The following GRIK4 variants were observed in gnomAD, a reference collection of about 807,000 sequenced individuals.
GRIK4 encodes the protein glutamate ionotropic receptor kainate type subunit 4.
A neutral mutation model predicts 104.9 loss-of-function variants in GRIK4; 40 were observed. The observed-to-expected ratio is 0.38, with a 90% CI of 0.30 to 0.50. The LOEUF (loss-of-function observed/expected upper bound fraction) is 0.50, where lower values mean the gene tolerates loss of function less well. GRIK4 is among the 20% of genes least tolerant of loss of function. The pLI is 0.93. For synonymous variants in GRIK4, 485 were observed against 524.9 expected, an observed-to-expected ratio of 0.92 and a Z score of 1.04; for missense variants, 1,047 against 1,308.1, an observed-to-expected ratio of 0.80 and a Z score of 3.08.
intron 6 of GRIK4, among the ~76,000 whole-genome samples, chr11:120,827,138 T>A (rs918964703): frequency 1.3e-4 from 20 of 152,212 alleles, no homozygotes; most frequent in Admixed American, 1.1e-3. Flanking sequence ...GAAGGAAGCT[T>A]GTTGAAAGAG....
At chr11:120,570,121 G>A (rs1002108984) in intron 1 of GRIK4, among the ~76,000 whole-genome samples, 1 of 152,196 alleles carries the variant, frequency 6.6e-6, no homozygotes, top group South Asian at 2.1e-4. Flanking sequence ...GCGAGATGAA[G>A]CTTAGGCGAC....
At chr11:120,769,203 A>C (rs1044126593) in intron 3 of GRIK4, among the ~76,000 whole-genome samples, 6 of 151,960 alleles carry the variant, frequency 3.9e-5, no homozygotes, top group Admixed American at 2.0e-4. Flanking sequence ...TAATTACTTC[A>C]GTTTCTTTAT....
At chr11:120,521,840 A>G (rs1002472317) in intron 1 of GRIK4, among the ~76,000 whole-genome samples, 16 of 152,130 alleles carry the variant, frequency 1.1e-4, no homozygotes, top group South Asian at 4.1e-4. Context: ...CTGAGCTTCT[A>G]TTATCTCCCG....
At chr11:120,595,217 C>G (rs1948786447) in intron 1 of GRIK4, among the ~76,000 whole-genome samples, 1 of 152,224 alleles carries the variant, frequency 6.6e-6, no homozygotes, top group Non-Finnish European at 1.5e-5. Flanking sequence ...CCTCTCCTGC[C>G]TCGGGAGATG....
chr11:120,936,412 CT>C, intron 13 of GRIK4: 1 of 305,330 alleles, frequency 3.3e-6, no homozygotes, highest in South Asian at 3.5e-5. Context: ...TCTGTCTCCC[CT>C]TTAGGAGAGA....
intron 1 of GRIK4, among the ~76,000 whole-genome samples, chr11:120,597,971 C>T (rs185721197): frequency 7.9e-4 from 120 of 152,186 alleles, no homozygotes; most frequent in Non-Finnish European, 1.3e-3. Context: ...GTTGCTGATG[C>T]GGTGAATGTT....
At chr11:120,897,626 A>AAAAAAAAAAAAAAAAAAAAAAC in intron 11 of GRIK4, among the ~76,000 whole-genome samples, 1 of 145,184 alleles carries the variant, frequency 6.9e-6, no homozygotes. Flanking sequence ...AAAAAAAAAA[A>AAAAAAAAAAAAAAAAAAAAAAC]AGAGTACATC....
At chr11:120,606,815 G>C (rs1024017475) in intron 1 of GRIK4, among the ~76,000 whole-genome samples, 1 of 152,230 alleles carries the variant, frequency 6.6e-6, no homozygotes, top group Non-Finnish European at 1.5e-5. Context: ...GAATGAGTTT[G>C]CAGATGGCCG....
At chr11:120,804,312 A>G (rs1952674582) in intron 4 of GRIK4, among the ~76,000 whole-genome samples, 1 of 152,228 alleles carries the variant, frequency 6.6e-6, no homozygotes, top group South Asian at 2.1e-4. Flanking sequence ...GGATCCAGCA[A>G]AGCTCCAGCC....
rs767558643 is a variant in GRIK4 at position 120,831,910 on chromosome 11, C to T, written c.570C>T (p.Ser190=). ...RQFLISKDTL[S]VRMLDDTRDP... is the part of the protein sequence containing the mutation. ...TCCTTATCTCCAAGGACACGCTGTCCGTCCGCATGCTGGATGACACCCGGG... is the reference window on the plus strand; with the variant it reads ...TCCTTATCTCCAAGGACACGCTGTCTGTCCGCATGCTGGATGACACCCGGG... The change falls in exon 7 of 21, where the codon TCC becomes TCT. Residue 190 remains serine (S), a synonymous_variant. Coordinates refer to ENST00000527524, the MANE Select transcript of GRIK4 (RefSeq NM_014619.5). 33 of 1,613,740 alleles carry T rather than the reference C, an allele frequency of 2.0e-5. No individual in the cohort carries two copies. The highest frequency in any genetic ancestry group is 1.8e-4 in the Admixed American group (11 of 59,998).
rs78802536 is a variant in GRIK4, at chr11:120,615,093, G to A, written c.-158-38592G>A. 5.1e-3 allele frequency among the ~76,000 whole-genome samples: 781 copies of A among 152,340 alleles called. 6 individuals are homozygous for A. Among genetic ancestry groups the A allele is most frequent in the Middle Eastern group, 0.031 (9 of 294 alleles). Reference sequence around the variant, plus strand: ...GGGTTTCGTTTGTGTCAGGCACCATGCTAGGTGCTTTTTCTGTGTATCTCA... The same window carrying A: ...GGGTTTCGTTTGTGTCAGGCACCATACTAGGTGCTTTTTCTGTGTATCTCA... On this transcript the variant is annotated intron_variant, in intron 1 of 20. Transcript: ENST00000527524.
chr11:120,918,376 G>C (rs569580154), intron 13 of GRIK4, among the ~76,000 whole-genome samples: 8 of 152,340 alleles, frequency 5.3e-5, no homozygotes, highest in African/African-American at 1.4e-4. Flanking sequence ...CCTGCCTCTA[G>C]ATGCATTGAT....
At position 120,576,124 on chromosome 11, in the gene GRIK4, C is replaced by T. The variant is rs868119156; in HGVS notation, c.-159+64237C>T. On this transcript the variant is annotated intron_variant, in intron 1 of 20. Coordinates refer to ENST00000527524, the MANE Select transcript of GRIK4 (RefSeq NM_014619.5). ...ATTTCATTCTGATTATTGAATGTGT[C>T]GCCTAATTGCAGCTATAAAAAGGAA... 6.6e-5 allele frequency among the ~76,000 whole-genome samples: 10 copies of T among 152,216 alleles called. No individual in the cohort carries two copies. In the South Asian group the frequency reaches 1.7e-3, roughly 25 times the overall value.
At chr11:120,866,136 C>A (rs1384286696) in intron 9 of GRIK4, among the ~76,000 whole-genome samples, 1 of 152,188 alleles carries the variant, frequency 6.6e-6, no homozygotes, top group Non-Finnish European at 1.5e-5. Context: ...TGGGACCAAA[C>A]AAACCATGGC....
intron 3 of GRIK4, among the ~76,000 whole-genome samples, chr11:120,721,302 A>C (rs1288287922): frequency 6.6e-6 from 1 of 152,220 alleles, no homozygotes; most frequent in Non-Finnish European, 1.5e-5. Flanking sequence ...TGGCAAGCAG[A>C]CATGATTGAT....
intron 1 of GRIK4, among the ~76,000 whole-genome samples, chr11:120,632,564 T>C (rs563977553): frequency 6.6e-6 from 1 of 152,182 alleles, no homozygotes; most frequent in South Asian, 2.1e-4. Flanking sequence ...GATATAGAAG[T>C]CTAACACTTG....
chr11:120,874,654 C>T (rs1202246993), intron 10 of GRIK4, among the ~76,000 whole-genome samples: 4 of 152,178 alleles, frequency 2.6e-5, no homozygotes, highest in African/African-American at 9.7e-5. Context: ...CATGCTTCCT[C>T]TGGTGGGTGA....
intron 1 of GRIK4, among the ~76,000 whole-genome samples, chr11:120,634,154 C>T (rs1314398563): frequency 6.6e-6 from 1 of 152,184 alleles, no homozygotes; most frequent in African/African-American, 2.4e-5. Flanking sequence ...ATGTAAAGTG[C>T]TTGGCGTCCT....
intron 1 of GRIK4, among the ~76,000 whole-genome samples, chr11:120,583,634 A>G (rs2135099427): frequency 6.6e-6 from 1 of 152,310 alleles, no homozygotes; most frequent in Middle Eastern, 3.4e-3. Context: ...TGTAGTTTGA[A>G]GTCAGGTAAC....
Sources: gnomAD v4.1 joint callset for allele counts (sites outside exome capture counted in the v4.1 genomes callset) on GRCh38, gnomAD v4.1.1 for gene constraint, MANE v1.5 for transcripts, NCBI Gene and HGNC (gene_info 2026-07-23, HGNC 2026-07-21) for gene names.